TFB1M: variants seen among roughly 807,000 people sequenced by gnomAD.
The protein encoded by TFB1M is dimethyladenosine transferase 1, mitochondrial.
TFB1M carries 27 observed loss-of-function variants against 31.1 expected under a neutral mutation model. The observed-to-expected ratio is 0.87, with a 90% CI of 0.64 to 1.20. The LOEUF is 1.20. Among genes scored for constraint, TFB1M ranks in the 50% most tolerant of loss-of-function variants. The pLI is 0.00. For missense variants in TFB1M, 394 were observed against 418.7 expected (o/e 0.94, Z 0.51); for synonymous variants, 166 against 151.8 (o/e 1.09, Z -0.69).
rs1227261703 is a variant in TFB1M at position 155,272,136 on chromosome 6, T to C, written c.667-11736A>G. Among the ~76,000 whole-genome samples the C allele has an allele frequency of 2.0e-5, 3 of 152,198 alleles. No individual in the cohort carries two copies. The East Asian group carries it at 5.8e-4, about 29-fold the overall frequency. On this transcript the variant is annotated intron_variant, in intron 5 of 6. Coordinates refer to ENST00000367166, the MANE Select transcript of TFB1M (RefSeq NM_016020.4). ...ATGGTTTTTCTTCACCATAACTAAC[T>C]GAGGTTAATTTGAAGACAACTGACC...
In TFB1M at chr6:155,256,670, C is replaced by A. The variant is rs766738709; in HGVS notation, c.*1166G>T. The A allele has an allele frequency of 6.2e-7, 1 of 1,614,204 alleles. No individual in the cohort carries two copies. The highest frequency in any genetic ancestry group is 1.1e-5 in the South Asian group (1 of 91,088). The stretch of plus-strand genomic sequence containing the variant: ...ACTTCTCCCGGGAAATACCCACACC[C>A]CGGCTTGGCAGATTTTGCCGACAAT... On this transcript the variant is annotated 3_prime_UTR_variant, in exon 7 of 7. Coordinates refer to ENST00000367166, the MANE Select transcript of TFB1M (RefSeq NM_016020.4).
chr6:155,258,435 G>T (rs1460707933), intron 6 of TFB1M, among the ~76,000 whole-genome samples: 4 of 152,158 alleles, frequency 2.6e-5, no homozygotes, highest in Non-Finnish European at 5.9e-5. Context: ...TGTGAAAGTT[G>T]TATTATTTCT....
intron 5 of TFB1M, chr6:155,276,583 T>C (rs1785234175): frequency 2.0e-6 from 1 of 491,894 alleles, no homozygotes; most frequent in East Asian, 3.3e-5. Context: ...TTTTCCATTA[T>C]TGTTTCCATG....
chr6:155,289,520 A>G (rs1474428339), intron 4 of TFB1M, among the ~76,000 whole-genome samples: 2 of 152,166 alleles, frequency 1.3e-5, no homozygotes. Flanking sequence ...CATATTGTCT[A>G]TATGTCCCTT....
At chr6:155,303,142 A>G (rs955762777) in intron 2 of TFB1M, 1 of 134,248 alleles carries the variant, frequency 7.4e-6, no homozygotes, top group Admixed American at 7.3e-5. Flanking sequence ...TAATTATCCT[A>G]ATTTTATCAT....
downstream of TFB1M, chr6:155,252,110 C>A: frequency 3.8e-6 from 3 of 791,868 alleles, no homozygotes; most frequent in Non-Finnish European, 4.1e-6. Flanking sequence ...CTGACTGATA[C>A]TGCTTACTCT....
At chr6:155,250,064 G>A in the TFB1M span, 1 of 838,912 alleles carries the variant, frequency 1.2e-6, no homozygotes, top group East Asian at 2.5e-5. Context: ...GACTTTCCTG[G>A]AGGAGAAAAT....
the TFB1M span, among the ~76,000 whole-genome samples, chr6:155,248,948 T>G: frequency 6.6e-6 from 1 of 152,220 alleles, no homozygotes; most frequent in Non-Finnish European, 1.5e-5. Flanking sequence ...TTTTTTTCCA[T>G]GACAAGCATA....
At chr6:155,305,492 A>T (rs762257965) in intron 2 of TFB1M, among the ~76,000 whole-genome samples, 5 of 25,488 alleles carry the variant, frequency 2.0e-4, no homozygotes, top group African/African-American at 3.9e-4. Context: ...TATATATATA[A>T]ATATATATTA....
intron 2 of TFB1M, among the ~76,000 whole-genome samples, chr6:155,308,022 C>T (rs1777863747): frequency 6.6e-6 from 1 of 151,994 alleles, no homozygotes; most frequent in African/African-American, 2.4e-5. Context: ...GCTTCAAATT[C>T]CCTGAGATGT....
intron 2 of TFB1M, among the ~76,000 whole-genome samples, chr6:155,301,507 A>G (rs76496681): frequency 6.6e-6 from 1 of 152,310 alleles, no homozygotes; most frequent in East Asian, 1.9e-4. Flanking sequence ...CGAGAATAAC[A>G]ATGGAGCATT....
intron 2 of TFB1M, among the ~76,000 whole-genome samples, chr6:155,307,892 T>C (rs1242945517): frequency 6.6e-6 from 1 of 150,762 alleles, no homozygotes; most frequent in Non-Finnish European, 1.5e-5. Context: ...TTGCACAGGT[T>C]TGCTCTAAAA....
At chr6:155,292,261 C>T (rs1018438211) in intron 4 of TFB1M, among the ~76,000 whole-genome samples, 1 of 152,088 alleles carries the variant, frequency 6.6e-6, no homozygotes, top group South Asian at 2.1e-4. Flanking sequence ...CGCACACACG[C>T]GGTGCTCACA....
At chr6:155,281,712 ACT>A (rs1785508477) in intron 5 of TFB1M, among the ~76,000 whole-genome samples, 1 of 114,882 alleles carries the variant, frequency 8.7e-6, no homozygotes, top group Admixed American at 1.3e-4. Context: ...GCAGAGTGAG[ACT>A]CTGTCTCAAA....
chr6:155,244,782 GAGTA>G, the TFB1M span: 2 of 1,606,780 alleles, frequency 1.2e-6, no homozygotes, highest in African/African-American at 1.3e-5. Context: ...TCACAGTTTA[GAGTA>G]AGTATCTCAG....
chr6:155,279,751 T>C (rs1048636340), intron 5 of TFB1M, among the ~76,000 whole-genome samples: 1 of 152,220 alleles, frequency 6.6e-6, no homozygotes, highest in Non-Finnish European at 1.5e-5. Flanking sequence ...AAAAGTACTG[T>C]CTGCAAAAAT....
chr6:155,235,598 A>G, the TFB1M span, among the ~76,000 whole-genome samples: 1 of 152,272 alleles, frequency 6.6e-6, no homozygotes, highest in Non-Finnish European at 1.5e-5. Flanking sequence ...AGACACACTT[A>G]TAATTACTCT....
the TFB1M span, among the ~76,000 whole-genome samples, chr6:155,247,127 A>AAGGCTGTAGGCTGC: frequency 1.3e-5 from 2 of 152,232 alleles, no homozygotes; most frequent in Non-Finnish European, 2.9e-5. Flanking sequence ...CTGTGGAGTG[A>AAGGCTGTAGGCTGC]AGGCTGTAGG....
Position 155,295,579 on chromosome 6 carries a change from C to T in TFB1M, c.546+1374G>A, listed in dbSNP as rs982153221. Among the ~76,000 whole-genome samples, 7 of 152,048 alleles carry T rather than the reference C, an allele frequency of 4.6e-5. No homozygotes were observed. The South Asian group carries it at 6.2e-4, about 14-fold the overall frequency. ...GTTGGGGGTGGGGATTCAGGAGTTC[C>T]CTTTATTAAGTCATCCATGTACATG... is the stretch of plus-strand genomic sequence containing the variant. On this transcript the variant is annotated intron_variant, in intron 4 of 6. Transcript: ENST00000367166.
Sources: gnomAD v4.1 joint callset for allele counts (sites outside exome capture counted in the v4.1 genomes callset) on GRCh38, gnomAD v4.1.1 for gene constraint, MANE v1.5 for transcripts, NCBI Gene and HGNC (gene_info 2026-07-23, HGNC 2026-07-21) for gene names.